TNFRSF8: variants seen among roughly 807,000 people sequenced by gnomAD.
The protein encoded by TNFRSF8 is tumor necrosis factor receptor superfamily member 8.
TNFRSF8 carries 26 observed loss-of-function variants against 70.8 expected under a neutral mutation model. The observed-to-expected ratio is 0.37, with a 90% CI of 0.27 to 0.51. The LOEUF (loss-of-function observed/expected upper bound fraction) is 0.51. Ranked by LOEUF, TNFRSF8 falls within the 20% of genes least tolerant of loss-of-function variation. The pLI is 0.94. For synonymous variants in TNFRSF8, 356 were observed against 339.2 expected (o/e 1.05, Z -0.54); for missense variants, 720 against 807.9 (o/e 0.89, Z 1.32).
intron 4 of TNFRSF8, among the ~76,000 whole-genome samples, chr1:12,107,278 T>C (rs776563624): frequency 6.6e-6 from 1 of 151,994 alleles, no homozygotes; most frequent in Non-Finnish European, 1.5e-5. Flanking sequence ...GCTTGAAATC[T>C]CAACTACTTG....
chr1:12,133,283 A>G (rs917249598), intron 12 of TNFRSF8, among the ~76,000 whole-genome samples: 4 of 151,316 alleles, frequency 2.6e-5, no homozygotes, highest in South Asian at 2.1e-4. Context: ...TTCAAGGCCG[A>G]GTTGTGTCAT....
chr1:12,089,724 T>C (rs1641214529), intron 2 of TNFRSF8, among the ~76,000 whole-genome samples: 1 of 152,144 alleles, frequency 6.6e-6, no homozygotes, highest in African/African-American at 2.4e-5. Context: ...CCAGAGGGTA[T>C]CTGTGCTAAG....
chr1:12,089,953 T>A (rs987237042), intron 2 of TNFRSF8, among the ~76,000 whole-genome samples: 4 of 143,010 alleles, frequency 2.8e-5, no homozygotes. Flanking sequence ...CATCTACCCA[T>A]CCACCCATCT....
intron 2 of TNFRSF8, among the ~76,000 whole-genome samples, chr1:12,092,766 C>T (rs373956217): frequency 5.9e-5 from 9 of 151,866 alleles, no homozygotes; most frequent in East Asian, 1.9e-4. Flanking sequence ...CCTCGACCTC[C>T]CAAAGTGCTG....
rs568731084 is a variant in TNFRSF8, at chr1:12,137,664, A to G, written c.1336-565A>G. On this transcript the variant is annotated intron_variant, in intron 13 of 14. Coordinates refer to ENST00000263932, the MANE Select transcript of TNFRSF8 (RefSeq NM_001243.5). ...CACCGGGCTTGTCACTTGAACTAAC[A>G]GTAGTCTGTTTTTAGAATGCTTGAG... is the stretch of plus-strand genomic sequence containing the variant. Among the ~76,000 whole-genome samples, 4 of 151,946 alleles carry G rather than the reference A, an allele frequency of 2.6e-5. No homozygotes were observed. In the South Asian group the frequency reaches 8.3e-4, roughly 32 times the overall value.
chr1:12,064,209 G>C (rs1640698255), intron 1 of TNFRSF8, among the ~76,000 whole-genome samples: 1 of 152,178 alleles, frequency 6.6e-6, no homozygotes, highest in African/African-American at 2.4e-5. Context: ...CCCAATCCGC[G>C]TCCGGCAAAG....
At chr1:12,123,957 C>T (rs938027029) in intron 10 of TNFRSF8, 130 bp downstream of exon 10, 3 of 751,320 alleles carry the variant, frequency 4.0e-6, no homozygotes, top group Middle Eastern at 4.0e-4. Context: ...AGGTTGACCC[C>T]AGGTTTCTGG....
chr1:12,140,142 G>C (rs1429436811), intron 14 of TNFRSF8, among the ~76,000 whole-genome samples: 1 of 152,210 alleles, frequency 6.6e-6, no homozygotes, highest in Non-Finnish European at 1.5e-5. Flanking sequence ...GGAGGAGAAG[G>C]AAGTACCAGG....
chr1:12,120,684 A>C (rs907297843), intron 8 of TNFRSF8, among the ~76,000 whole-genome samples: 2 of 152,150 alleles, frequency 1.3e-5, no homozygotes, highest in African/African-American at 4.8e-5. Context: ...TCTTAAATGG[A>C]GGCTGAGTAG....
intron 8 of TNFRSF8, 62 bp from the exon 9 acceptor site, chr1:12,123,222 C>G: frequency 6.9e-7 from 1 of 1,453,074 alleles, no homozygotes; most frequent in Non-Finnish European, 9.4e-7. Context: ...TGCTGGTTAA[C>G]TCTTTCCTGG....
At position 12,142,162 on chromosome 1, in the gene TNFRSF8, G is replaced by A. The variant is rs901351914; in HGVS notation, c.1544-125G>A. 11 of 1,325,180 alleles carry A rather than the reference G, an allele frequency of 8.3e-6. No individual in the cohort carries two copies. The African/African-American group carries it at 1.6e-4, about 20-fold the overall frequency. The allele number at this position is 1,325,180 out of a possible 1,614,324, so 82.1% of individuals were successfully genotyped here. ...GCCTGTAAGGTACATCAGAGAGGCT[G>A]TGCCATCAGCCTGAAGCCACCCGGC... On this transcript the variant is annotated intron_variant, in intron 14 of 14. Transcript: ENST00000263932. The surrounding 1 kb of genome is among the most constrained non-coding windows in gnomAD (Gnocchi z 5.0).
In TNFRSF8 at chr1:12,109,713, GC is replaced by G. The variant is rs1452444035; in HGVS notation, c.512+61del. 4 of 1,456,760 alleles carry G rather than the reference GC, an allele frequency of 2.7e-6. No individual in the cohort carries two copies. Among genetic ancestry groups the G allele is most frequent in the Admixed American group, 1.7e-5 (1 of 58,418 alleles). 90.2% of individuals were successfully genotyped at this position (1,456,760 alleles called of 1,614,324 possible). On this transcript the variant is annotated intron_variant, in intron 5 of 14. Transcript: ENST00000263932. The surrounding 1 kb of genome is among the most constrained non-coding windows in gnomAD (Gnocchi z 4.4). Reference sequence around the variant, plus strand: ...CCCAAGCTGGCTTTCAGATGAGGCTGCCCCACCCCACAGGACGCCCATGGTA... The same window carrying G: ...CCCAAGCTGGCTTTCAGATGAGGCTGCCCACCCCACAGGACGCCCATGGTA...
rs752108901 is a variant in TNFRSF8, at chr1:12,135,583, T to G, written c.1310-5T>G. 2 of 1,614,028 alleles carry G rather than the reference T, an allele frequency of 1.2e-6. No individual in the cohort carries two copies. Among genetic ancestry groups the G allele is most frequent in the African/African-American group, 1.3e-5 (1 of 74,916 alleles). Reference sequence around the variant, plus strand: ...TGGTGAAGTTGCTGCTCTTGCTTTTTGCAGATTCCAGACCCAGGAGGAGCT... The same window carrying G: ...TGGTGAAGTTGCTGCTCTTGCTTTTGGCAGATTCCAGACCCAGGAGGAGCT... On this transcript the variant is annotated splice_region_variant and splice_polypyrimidine_tract_variant and intron_variant, in intron 12 of 14. Transcript: ENST00000263932.
intron 12 of TNFRSF8, 63 bp from the exon 13 acceptor site, chr1:12,135,525 G>A: frequency 6.2e-7 from 1 of 1,606,688 alleles, no homozygotes; most frequent in Non-Finnish European, 8.5e-7. Context: ...GCCAATAGTT[G>A]GGGCGGGTGG....
chr1:12,138,290 A>G lies in TNFRSF8; in HGVS notation c.1397A>G (p.Gln466Arg), dbSNP rs35511003. ...PVAEERGLMS[Q>R]PLMETCHSVG... Reference sequence around the variant, plus strand: ...GCGGAAGAGCGAGGGTTAATGAGCCAGCCACTGATGGAGACCTGCCACAGC... The same window carrying G: ...GCGGAAGAGCGAGGGTTAATGAGCCGGCCACTGATGGAGACCTGCCACAGC... Residue 466 changes from glutamine to arginine, a missense_variant, in exon 14 of 15, where the codon CAG becomes CGG. Physicochemically the swap from Gln to Arg is conservative, Grantham distance 43. Coordinates refer to ENST00000263932, the MANE Select transcript of TNFRSF8 (RefSeq NM_001243.5). This position sits in a 1 kb window ranked among gnomAD's most constrained non-coding sequence, Gnocchi z 5.7. 5.4e-4 allele frequency: 876 copies of G among 1,613,690 alleles called. 4 individuals are homozygous for G. In the African/African-American group the frequency reaches 0.01, roughly 19 times the overall value.
chr1:12,109,244 C>T lies in TNFRSF8; in HGVS notation c.422-322C>T, dbSNP rs1191223355. ...TCACAGGCTTGGGTCACATGTCCGT[C>T]CCTGAACTGGCTCATCGTGGCCAGA... On this transcript the variant is annotated intron_variant, in intron 4 of 14. Coordinates refer to ENST00000263932, the MANE Select transcript of TNFRSF8 (RefSeq NM_001243.5). This position sits in a 1 kb window ranked among gnomAD's most constrained non-coding sequence, Gnocchi z 4.4. 6.6e-6 allele frequency among the ~76,000 whole-genome samples: 1 copy of T among 152,214 alleles called. No individual in the cohort carries two copies. The highest frequency in any genetic ancestry group is 1.5e-5 in the Non-Finnish European group (1 of 68,040).
intron 1 of TNFRSF8, among the ~76,000 whole-genome samples, chr1:12,081,096 G>A (rs774756110): frequency 6.6e-6 from 1 of 152,144 alleles, no homozygotes; most frequent in Non-Finnish European, 1.5e-5. Context: ...GGCCAGACTC[G>A]GGGGAGTAAT....
At chr1:12,116,993 C>T (rs761473654) in intron 8 of TNFRSF8, among the ~76,000 whole-genome samples, 2 of 152,134 alleles carry the variant, frequency 1.3e-5, no homozygotes, top group Non-Finnish European at 2.9e-5. Flanking sequence ...TCTTCAAACA[C>T]AACTTCAAAA....
chr1:12,093,843 G>A (rs1479991952), intron 2 of TNFRSF8, among the ~76,000 whole-genome samples: 2 of 152,110 alleles, frequency 1.3e-5, no homozygotes, highest in Non-Finnish European at 2.9e-5. Flanking sequence ...GGCCAAGGCG[G>A]GACGGATCAT....
Sources: allele counts gnomAD v4.1 joint callset (sites outside exome capture counted in the v4.1 genomes callset), GRCh38; gene constraint gnomAD v4.1.1; non-coding constraint Gnocchi (gnomAD v3.1); transcripts MANE v1.5; gene names NCBI Gene and HGNC (gene_info 2026-07-23, HGNC 2026-07-21).